MEP1B: variants seen among roughly 807,000 people sequenced by gnomAD.
MEP1B encodes the protein N-benzoyl-L-tyrosyl-P-amino-benzoic acid hydrolase subunit beta.
MEP1B carries 80 observed loss-of-function variants against 84.6 expected under a neutral mutation model. The observed-to-expected ratio is 0.95, with a 90% CI of 0.79 to 1.14. MEP1B has a LOEUF of 1.14. Ranked by LOEUF, MEP1B falls within the 50% of genes most tolerant of loss-of-function variation. The pLI is 0.00. For synonymous variants in MEP1B, 273 were observed against 288.1 expected (o/e 0.95, Z 0.53); for missense variants, 766 against 855.1 (o/e 0.90, Z 1.30).
In MEP1B at chr18:32,213,184, T is replaced by C. The variant is rs768770863; in HGVS notation, c.1204T>C (p.Phe402Leu). ...AGTGACCAAGAAGTTTAGAGTGGTG[T>C]TTGAAGGACGCAAAGGCTCTGGTGC... ...LKVTKKFRVV[F>L]EGRKGSGASL... The change falls in exon 11 of 15, where the codon TTT (phenylalanine) becomes CTT (leucine). Residue 402 changes from phenylalanine (F) to leucine (L), a missense_variant. Physicochemically the swap from Phe to Leu is conservative, Grantham distance 22 (BLOSUM62 0). Coordinates refer to ENST00000269202, the MANE Select transcript of MEP1B (RefSeq NM_005925.3). The C allele has an allele frequency of 6.2e-7, 1 of 1,613,984 alleles. No homozygotes were observed. Among genetic ancestry groups the C allele is most frequent in the Admixed American group, 1.7e-5 (1 of 60,028 alleles).
rs1487961448 is a variant in MEP1B, at chr18:32,207,345, C to T, written c.641C>T (p.Thr214Ile). ...DYTSVMHYSK[T>I]AFQNGTEPTI... ...ACTTCAGTAATGCACTACAGTAAAA[C>T]TGCATTCCAAAATGGAACAGAGCCG... Residue 214 changes from threonine (T) to isoleucine (I), a missense_variant, in exon 8 of 15, where the codon ACT (threonine) becomes ATT (isoleucine). Coordinates refer to ENST00000269202, the MANE Select transcript of MEP1B (RefSeq NM_005925.3). 5 of 1,612,622 alleles carry T rather than the reference C, an allele frequency of 3.1e-6. No homozygotes were observed. The highest frequency in any genetic ancestry group is 1.7e-5 in the Admixed American group (1 of 59,952).
rs1039685136 is a variant in MEP1B, at chr18:32,202,780, C to T, written c.251-113C>T. Reference sequence around the variant, plus strand: ...TTGTAAAAATAAAAGACTCAACATTCATGAAGGGACTAACTCATGATAAGC... The same window carrying T: ...TTGTAAAAATAAAAGACTCAACATTTATGAAGGGACTAACTCATGATAAGC... On this transcript the variant is annotated intron_variant, in intron 5 of 14. Coordinates refer to ENST00000269202, the MANE Select transcript of MEP1B (RefSeq NM_005925.3). The T allele has an allele frequency of 1.1e-5, 7 of 641,756 alleles. No individual in the cohort carries two copies. In the East Asian group the frequency reaches 1.4e-4, roughly 13 times the overall value. 39.8% of individuals were successfully genotyped at this position (641,756 alleles called of 1,614,324 possible). A position where few individuals can be genotyped will look rare whatever the true frequency, so the allele number is the denominator to read the frequency against.
intron 5 of MEP1B, chr18:32,197,019 T>C: frequency 5.7e-6 from 1 of 175,770 alleles, no homozygotes; most frequent in Non-Finnish European, 1.2e-5. Flanking sequence ...CAATTATACA[T>C]ATGAGAAAAT....
chr18:32,213,080 T>G (rs766453829), intron 10 of MEP1B, 36 bp from the exon 11 acceptor site: 8 of 1,581,138 alleles, frequency 5.1e-6, no homozygotes, highest in Non-Finnish European at 6.9e-6. Context: ...TGATTTGAAC[T>G]TCTTTGTCTT....
At chr18:32,211,246 G>A (rs1045609104) in intron 10 of MEP1B, among the ~76,000 whole-genome samples, 3 of 152,060 alleles carry the variant, frequency 2.0e-5, no homozygotes, top group Non-Finnish European at 4.4e-5. Flanking sequence ...TCCAGCCTGC[G>A]CGACAGAGCA....
chr18:32,216,880 A>AT, intron 12 of MEP1B, 111 bp from the exon 13 acceptor site: 1 of 1,262,812 alleles, frequency 7.9e-7, no homozygotes, highest in Non-Finnish European at 1.1e-6. Flanking sequence ...AAAAAAAAAA[A>AT]GAAAGAAAGA....
In MEP1B at chr18:32,194,893, T is replaced by C. The variant is rs889850614; in HGVS notation, c.172-514T>C. On this transcript the variant is annotated intron_variant, in intron 4 of 14. Coordinates refer to ENST00000269202, the MANE Select transcript of MEP1B (RefSeq NM_005925.3). ...AGCTCCATGAAGCCAGAGACCTTTATTACCAAGGAATCTCTATTCTCTAGG... is the reference window on the plus strand; with the variant it reads ...AGCTCCATGAAGCCAGAGACCTTTACTACCAAGGAATCTCTATTCTCTAGG... Among the ~76,000 whole-genome samples the C allele has an allele frequency of 3.3e-5, 5 of 152,210 alleles. No homozygotes were observed. The East Asian group carries it at 9.6e-4, about 29-fold the overall frequency.
At chr18:32,212,712 T>G (rs184112723) in intron 10 of MEP1B, among the ~76,000 whole-genome samples, 1 of 152,304 alleles carries the variant, frequency 6.6e-6, no homozygotes, top group Admixed American at 6.5e-5. Flanking sequence ...AAACTATAAA[T>G]ATATTAAAGA....
At position 32,220,238 on chromosome 18, in the gene MEP1B, C is replaced by T; in HGVS notation, c.2099C>T (p.Ala700Val). The T allele has an allele frequency of 1.2e-6, 2 of 1,608,130 alleles. No individual in the cohort carries two copies. The highest frequency in any genetic ancestry group is 8.5e-7 in the Non-Finnish European group (1 of 1,176,686). Residue 700 changes from alanine (A) to valine (V), a missense_variant, in exon 15 of 15, where the codon GCT (alanine) becomes GTT (valine). Transcript: ENST00000269202. ...RPNLTPQNQH[A>V]F ...TGTTCTTTCCCCTTTTAGCAGCATGCTTTTTGAAGATTAACTCGACAATAT... is the reference window on the plus strand; with the variant it reads ...TGTTCTTTCCCCTTTTAGCAGCATGTTTTTTGAAGATTAACTCGACAATAT...
At chr18:32,212,603 T>A (rs535795200) in intron 10 of MEP1B, among the ~76,000 whole-genome samples, 2 of 152,140 alleles carry the variant, frequency 1.3e-5, no homozygotes, top group East Asian at 3.9e-4. Flanking sequence ...ATCTAAAGAG[T>A]AGATTGCAGG....
intron 5 of MEP1B, among the ~76,000 whole-genome samples, chr18:32,200,882 A>C (rs2040904846): frequency 6.6e-6 from 1 of 152,166 alleles, no homozygotes; most frequent in African/African-American, 2.4e-5. Flanking sequence ...TGAAGGGGCT[A>C]CTAAGGGGAA....
chr18:32,209,426 G>A (rs1411252100), intron 9 of MEP1B, among the ~76,000 whole-genome samples: 1 of 151,224 alleles, frequency 6.6e-6, no homozygotes, highest in African/African-American at 2.4e-5. Flanking sequence ...GGCAGAGGTT[G>A]TAGTGAGCTG....
At position 32,191,860 on chromosome 18, in the gene MEP1B, T is replaced by A; in HGVS notation, c.82+20T>A. ...ACTTTGGTGAGTCTATTTTGAGTTT[T>A]GTTCTAGGTTATAGAGAACCTAGGA... On this transcript the variant is annotated intron_variant, in intron 2 of 14. Transcript: ENST00000269202. 6.7e-7 allele frequency: 1 copy of A among 1,499,430 alleles called. No homozygotes were observed. The highest frequency in any genetic ancestry group is 2.4e-5 in the East Asian group (1 of 42,218). The allele number at this position is 1,499,430 out of a possible 1,614,324, so 92.9% of individuals were successfully genotyped here. A position where few individuals can be genotyped will look rare whatever the true frequency, so the allele number is the denominator to read the frequency against.
At chr18:32,218,887 G>A (rs1399365253) in intron 14 of MEP1B, among the ~76,000 whole-genome samples, 2 of 152,232 alleles carry the variant, frequency 1.3e-5, no homozygotes, top group Non-Finnish European at 2.9e-5. Context: ...GGACAAAGCA[G>A]CAGTTCCCTA....
chr18:32,216,256 C>A (rs2041088814), intron 12 of MEP1B, among the ~76,000 whole-genome samples: 1 of 152,086 alleles, frequency 6.6e-6, no homozygotes, highest in African/African-American at 2.4e-5. Flanking sequence ...TAGAGTAAAT[C>A]TAGATGATAC....
chr18:32,195,165 T>C (rs2040839635), intron 4 of MEP1B, among the ~76,000 whole-genome samples: 1 of 152,194 alleles, frequency 6.6e-6, no homozygotes, highest in Admixed American at 6.5e-5. Context: ...TTCCAACAGT[T>C]ATTTTTTGCA....
rs115025524 is a variant in MEP1B at position 32,196,937 on chromosome 18, C to T, written c.250+1452C>T. The T allele has an allele frequency of 4.8e-3, 1,676 of 347,930 alleles. 34 individuals are homozygous for T. The highest frequency in any genetic ancestry group is 0.032 in the African/African-American group (1,516 of 46,970). The allele number at this position is 347,930 out of a possible 1,614,324, so 21.6% of individuals were successfully genotyped here. On this transcript the variant is annotated intron_variant, in intron 5 of 14. Coordinates refer to ENST00000269202, the MANE Select transcript of MEP1B (RefSeq NM_005925.3). The surrounding 1 kb of genome is among the most constrained non-coding windows in gnomAD (Gnocchi z 4.4). Reference sequence around the variant, plus strand: ...GCACTGCTCCCTACACTTGGTTAAACAGGTGCAGGGCCTGATTGATGGGCT... The same window carrying T: ...GCACTGCTCCCTACACTTGGTTAAATAGGTGCAGGGCCTGATTGATGGGCT...
At chr18:32,218,584 G>T (rs2041117797) in intron 14 of MEP1B, among the ~76,000 whole-genome samples, 2 of 152,216 alleles carry the variant, frequency 1.3e-5, no homozygotes, top group South Asian at 2.1e-4. Flanking sequence ...TACGCAGGAG[G>T]TTTATTGGGG....
At chr18:32,194,218 T>A in intron 4 of MEP1B, among the ~76,000 whole-genome samples, 1 of 152,174 alleles carries the variant, frequency 6.6e-6, no homozygotes, top group Non-Finnish European at 1.5e-5. Context: ...CTTTTCTCCA[T>A]CACTCTAATT....
Sources: allele counts gnomAD v4.1 joint callset (sites outside exome capture counted in the v4.1 genomes callset), GRCh38; gene constraint gnomAD v4.1.1; non-coding constraint Gnocchi (gnomAD v3.1); transcripts MANE v1.5; gene names NCBI Gene and HGNC (gene_info 2026-07-23, HGNC 2026-07-21).